Variants in CLASP1 observed in about 807,000 individuals in gnomAD.
The protein encoded by CLASP1 is CLIP-associating protein 1.
Under a neutral mutation model 192.3 loss-of-function variants are expected in CLASP1, and 38 were observed. The ratio of observed to expected loss-of-function variants is 0.20; its 90% CI spans 0.15 to 0.26. CLASP1 has a LOEUF of 0.26. Among genes scored for constraint, CLASP1 ranks in the 10% least tolerant of loss-of-function variants. The pLI is 1.00. For synonymous variants in CLASP1, 691 were observed against 712.8 expected (o/e 0.97, Z 0.49); for missense variants, 1,433 against 1,932.5 (o/e 0.74, Z 4.85).
intron 34 of CLASP1, among the ~76,000 whole-genome samples, chr2:121,370,123 C>G (rs1297308778): frequency 6.6e-6 from 1 of 152,166 alleles, no homozygotes; most frequent in African/African-American, 2.4e-5. Context: ...TTGCTGTGTG[C>G]ATCACCCTCC....
intron 21 of CLASP1, among the ~76,000 whole-genome samples, chr2:121,426,523 G>A (rs977541117): frequency 1.6e-4 from 24 of 152,114 alleles, no homozygotes; most frequent in Non-Finnish European, 2.9e-4. Flanking sequence ...GTGTGTATAT[G>A]TATGTATAAA....
chr2:121,559,789 A>C (rs35634147), intron 2 of CLASP1, among the ~76,000 whole-genome samples: 36,612 of 152,038 alleles, frequency 0.24, 6,851 homozygotes, highest in African/African-American at 0.52. Context: ...TACAACTCTG[A>C]ATATACAAAA....
chr2:121,504,644 C>A (rs566886021), intron 7 of CLASP1, among the ~76,000 whole-genome samples: 1 of 152,146 alleles, frequency 6.6e-6, no homozygotes, highest in Non-Finnish European at 1.5e-5. Flanking sequence ...TGCCCAACAC[C>A]GAGCTAGTGA....
At chr2:121,438,438 C>T (rs1190763277) in intron 19 of CLASP1, among the ~76,000 whole-genome samples, 1 of 152,176 alleles carries the variant, frequency 6.6e-6, no homozygotes, top group East Asian at 1.9e-4. Context: ...TCTCACCTGT[C>T]CACCTTGTCA....
At chr2:121,421,611 C>T (rs148403684) in intron 22 of CLASP1, among the ~76,000 whole-genome samples, 1,771 of 150,840 alleles carry the variant, frequency 0.012, 37 homozygotes, top group African/African-American at 0.04. Flanking sequence ...GGCGCAATCT[C>T]GGCTCACTGC....
intron 1 of CLASP1, among the ~76,000 whole-genome samples, chr2:121,641,580 G>C (rs958048050): frequency 2.6e-5 from 4 of 152,146 alleles, no homozygotes; most frequent in African/African-American, 9.7e-5. Context: ...GGAAACCAAG[G>C]AAGTAACAGA....
intron 2 of CLASP1, among the ~76,000 whole-genome samples, chr2:121,550,005 CAAAAAAAAAAAAA>C (rs59439843): frequency 1.8e-4 from 10 of 55,676 alleles, no homozygotes; most frequent in Admixed American, 1.6e-3. Context: ...GACTCCGTCT[CAAAAAAAAAAAAA>C]AAAAAAAAAC....
In CLASP1 at chr2:121,387,081, T is replaced by C. The variant is rs182961447; in HGVS notation, c.3374+41A>G. 92 of 1,501,274 alleles carry C rather than the reference T, an allele frequency of 6.1e-5. 1 individual carries two copies. The East Asian group carries it at 2.0e-3, about 33-fold the overall frequency. 93.0% of individuals were successfully genotyped at this position (1,501,274 alleles called of 1,614,324 possible). Reference sequence around the variant, plus strand: ...AGGATGCACAGCAATTAAGGTGCTTTAGTTTCTTTACATCTGTGGAAAGTA... The same window carrying C: ...AGGATGCACAGCAATTAAGGTGCTTCAGTTTCTTTACATCTGTGGAAAGTA... On this transcript the variant is annotated intron_variant, in intron 32 of 39. Transcript: ENST00000263710.
At chr2:121,458,114 C>A (rs1482478698) in intron 13 of CLASP1, among the ~76,000 whole-genome samples, 1 of 152,102 alleles carries the variant, frequency 6.6e-6, no homozygotes. Flanking sequence ...CAATAATGAC[C>A]TTGGGTTTAA....
At chr2:121,528,014 T>C in intron 4 of CLASP1, 124 bp from the exon 5 acceptor site, 1 of 654,710 alleles carries the variant, frequency 1.5e-6, no homozygotes, top group Non-Finnish European at 2.7e-6. Context: ...ACCAACACAT[T>C]TAATCCTCTC....
Position 121,448,273 on chromosome 2 carries a change from C to T in CLASP1, c.1741+3G>A, listed in dbSNP as rs772878082. On this transcript the variant is annotated splice_donor_region_variant and intron_variant, in intron 18 of 39. Coordinates refer to ENST00000263710, the Ensembl canonical transcript of CLASP1. The stretch of plus-strand genomic sequence containing the variant: ...AGGCCTTCTCCACGGCTGTCAGTCT[C>T]ACCTCTAGATGTGGTACTTCCAGTA... 5.6e-6 allele frequency: 9 copies of T among 1,613,150 alleles called. No individual in the cohort carries two copies. The highest frequency in any genetic ancestry group is 4.0e-5 in the African/African-American group (3 of 74,926).
At chr2:121,615,469 T>G (rs575222072) in intron 1 of CLASP1, among the ~76,000 whole-genome samples, 5 of 152,092 alleles carry the variant, frequency 3.3e-5, no homozygotes, top group Admixed American at 3.3e-4. Context: ...TATTCTCATT[T>G]TGAAGATAAG....
intron 34 of CLASP1, among the ~76,000 whole-genome samples, chr2:121,369,837 T>C: frequency 6.6e-6 from 1 of 152,264 alleles, no homozygotes; most frequent in East Asian, 1.9e-4. Context: ...AATGACATTT[T>C]TTTTTCTTCT....
intron 8 of CLASP1, among the ~76,000 whole-genome samples, chr2:121,474,317 A>G (rs1273930855): frequency 1.3e-5 from 2 of 152,196 alleles, no homozygotes; most frequent in Middle Eastern, 3.2e-3. Context: ...CAAAGAGCAT[A>G]TATTTTTCAA....
At chr2:121,360,855 G>A (rs1318473400) in intron 37 of CLASP1, among the ~76,000 whole-genome samples, 3 of 152,110 alleles carry the variant, frequency 2.0e-5, no homozygotes, top group East Asian at 1.9e-4. Flanking sequence ...CCTTGAACCC[G>A]AGTGCTGCTA....
chr2:121,489,110 C>T (rs1324833090), intron 8 of CLASP1, among the ~76,000 whole-genome samples: 4 of 152,168 alleles, frequency 2.6e-5, no homozygotes, highest in Non-Finnish European at 5.9e-5. Context: ...AAAGGAAAGG[C>T]TCTGAGAGAG....
chr2:121,575,728 A>C (rs1379854161), intron 2 of CLASP1, among the ~76,000 whole-genome samples: 1 of 152,250 alleles, frequency 6.6e-6, no homozygotes, highest in African/African-American at 2.4e-5. Flanking sequence ...GTAATTTCCT[A>C]CTAGGAGAAG....
intron 14 of CLASP1, among the ~76,000 whole-genome samples, chr2:121,457,221 A>G (rs1331185616): frequency 6.6e-6 from 1 of 152,208 alleles, no homozygotes; most frequent in African/African-American, 2.4e-5. Context: ...AGAATCCCAG[A>G]AATCGCTAAC....
chr2:121,348,509 T>C lies in CLASP1; in HGVS notation c.4413+3A>G, dbSNP rs1465514534. ...GGCAGGCCCCACCAACACGAGGGCC[T>C]ACCTGCAGCAAGCCTGGGATGATGT... On this transcript the variant is annotated splice_donor_region_variant and intron_variant, in intron 38 of 39. Transcript: ENST00000263710. The C allele has an allele frequency of 5.6e-6, 9 of 1,605,366 alleles. 1 individual carries two copies. The East Asian group carries it at 2.0e-4, about 36-fold the overall frequency.
Sources: allele counts gnomAD v4.1 joint callset (sites outside exome capture counted in the v4.1 genomes callset), GRCh38; gene constraint gnomAD v4.1.1; transcripts MANE v1.5; gene names NCBI Gene and HGNC (gene_info 2026-07-23, HGNC 2026-07-21).